Variants in GABRG3 observed in about 807,000 individuals in gnomAD.
GABRG3 encodes gamma-aminobutyric acid type A receptor subunit gamma3.
A neutral mutation model predicts 48.8 loss-of-function variants in GABRG3; 25 were observed. The ratio of observed to expected loss-of-function variants is 0.51; its 90% CI spans 0.37 to 0.72. GABRG3 has a LOEUF of 0.72. Ranked by LOEUF, GABRG3 falls within the 30% of genes least tolerant of loss-of-function variation. GABRG3 has a pLI of 0.00. For missense variants in GABRG3, 394 were observed against 577.9 expected (o/e 0.68, Z 3.26); for synonymous variants, 227 against 217.6 (o/e 1.04, Z -0.38).
At chr15:27,462,301 A>C (rs1235892063) in intron 5 of GABRG3, among the ~76,000 whole-genome samples, 1 of 152,156 alleles carries the variant, frequency 6.6e-6, no homozygotes, top group Non-Finnish European at 1.5e-5. Flanking sequence ...GGACCTTGCT[A>C]TATCCGTGTT....
intron 5 of GABRG3, among the ~76,000 whole-genome samples, chr15:27,344,698 T>G (rs1195274757): frequency 8.7e-6 from 1 of 114,746 alleles, no homozygotes; most frequent in Non-Finnish European, 1.8e-5. Flanking sequence ...ATTGGGAAAT[T>G]ACCAATTGAT....
intron 5 of GABRG3, among the ~76,000 whole-genome samples, chr15:27,358,937 G>T (rs1305706777): frequency 2.6e-5 from 4 of 152,368 alleles, no homozygotes; most frequent in South Asian, 2.1e-4. Context: ...TCTCCCGGGG[G>T]TCCTGGTAAG....
chr15:27,198,847 G>A (rs113668092), intron 3 of GABRG3, among the ~76,000 whole-genome samples: 283 of 152,242 alleles, frequency 1.9e-3, no homozygotes, highest in African/African-American at 6.7e-3. Flanking sequence ...CCTTTGCAGG[G>A]ACATGGATGA....
At chr15:27,442,565 C>T (rs1888822469) in intron 5 of GABRG3, among the ~76,000 whole-genome samples, 1 of 152,322 alleles carries the variant, frequency 6.6e-6, no homozygotes, top group Non-Finnish European at 1.5e-5. Flanking sequence ...CATCAAGCCA[C>T]CTGAACAAAA....
In GABRG3 at chr15:27,265,882, G is replaced by GTTTTTTTTTTTTTTTTTTTTTTTTTTTT. The variant is rs57522857; in HGVS notation, c.271-60912_271-60911insTTTTTTTTTTTTTTTTTTTTTTTTTTTT. On this transcript the variant is annotated intron_variant, in intron 3 of 9. Coordinates refer to ENST00000615808, the MANE Select transcript of GABRG3 (RefSeq NM_033223.5). ...GCAAGGTCAAGAAGATTTTCTCCTG[G>GTTTTTTTTTTTTTTTTTTTTTTTTTTTT]TTTTTTTTTTTTTTTGAGAGTGACC... Among the ~76,000 whole-genome samples the GTTTTTTTTTTTTTTTTTTTTTTTTTTTT allele has an allele frequency of 1.6e-3, 209 of 127,482 alleles. 16 individuals carry two copies. Among genetic ancestry groups the GTTTTTTTTTTTTTTTTTTTTTTTTTTTT allele is most frequent in the African/African-American group, 4.6e-3 (135 of 29,402 alleles). The allele number at this position is 127,482 out of a possible 152,430, so 83.6% of individuals were successfully genotyped here. A position where few individuals can be genotyped will look rare whatever the true frequency, so the allele number is the denominator to read the frequency against.
At chr15:27,118,540 C>T (rs2110209) in intron 3 of GABRG3, among the ~76,000 whole-genome samples, 3,784 of 152,274 alleles carry the variant, frequency 0.025, 80 homozygotes, top group Non-Finnish European at 0.034. Flanking sequence ...GCATCTGACT[C>T]GGTTCAATTT....
intron 3 of GABRG3, among the ~76,000 whole-genome samples, chr15:27,045,206 C>T (rs1896341903): frequency 6.6e-6 from 1 of 152,166 alleles, no homozygotes; most frequent in South Asian, 2.1e-4. Flanking sequence ...GGAGAATTCC[C>T]TGAGGCGCTT....
chr15:27,508,442 A>G (rs1181432087), intron 6 of GABRG3, among the ~76,000 whole-genome samples: 1 of 152,174 alleles, frequency 6.6e-6, no homozygotes, highest in Admixed American at 6.5e-5. Flanking sequence ...TATAATTGCT[A>G]TTATACATTT....
At chr15:26,988,257 CTG>C (rs879496580) in intron 2 of GABRG3, among the ~76,000 whole-genome samples, 1 of 152,110 alleles carries the variant, frequency 6.6e-6, no homozygotes, top group Non-Finnish European at 1.5e-5. Flanking sequence ...CTAGCAATAA[CTG>C]TAGCTGTATT....
chr15:27,417,001 T>C (rs189550052), intron 5 of GABRG3, among the ~76,000 whole-genome samples: 71 of 152,310 alleles, frequency 4.7e-4, no homozygotes, highest in Middle Eastern at 3.4e-3. Context: ...TTTAATAAAA[T>C]AAAGTAATCA....
At chr15:27,310,139 G>C (rs2140506251) in intron 3 of GABRG3, among the ~76,000 whole-genome samples, 1 of 152,150 alleles carries the variant, frequency 6.6e-6, no homozygotes, top group East Asian at 1.9e-4. Context: ...CAGAAAAGTA[G>C]AAGGATGGAG....
Position 27,537,838 on chromosome 15 carries a change from T to A in GABRG3, c.*4957T>A, listed in dbSNP as rs555452669. 2.7e-5 allele frequency: 4 copies of A among 150,296 alleles called. No homozygotes were observed. The South Asian group carries it at 6.3e-4, about 24-fold the overall frequency. 9.3% of individuals were successfully genotyped at this position (150,296 alleles called of 1,614,324 possible). A position where few individuals can be genotyped will look rare whatever the true frequency, so the allele number is the denominator to read the frequency against. ...ATTATTTATTTATTTATTTATTTAT[T>A]TATTTATTTATTTATTTTGAGATGA... is the stretch of plus-strand genomic sequence containing the variant. On this transcript the variant is annotated 3_prime_UTR_variant, in exon 10 of 10. Transcript: ENST00000615808.
At position 27,069,219 on chromosome 15, in the gene GABRG3, A is replaced by G. The variant is rs188940869; in HGVS notation, c.270+42398A>G. Among the ~76,000 whole-genome samples the G allele has an allele frequency of 2.8e-3, 426 of 152,268 alleles. 1 individual carries two copies. Among genetic ancestry groups the G allele is most frequent in the African/African-American group, 9.6e-3 (400 of 41,552 alleles). On this transcript the variant is annotated intron_variant, in intron 3 of 9. Coordinates refer to ENST00000615808, the MANE Select transcript of GABRG3 (RefSeq NM_033223.5). ...TCAGTGCTTCTTAACAATGAGTAAT[A>G]CTTCCAGGGTTTTATATTTGTGAAT...
chr15:27,097,206 A>G (rs974058590), intron 3 of GABRG3, among the ~76,000 whole-genome samples: 1 of 151,968 alleles, frequency 6.6e-6, no homozygotes, highest in African/African-American at 2.4e-5. Context: ...TCTGGTGGGC[A>G]GATACTTGGA....
intron 2 of GABRG3, among the ~76,000 whole-genome samples, chr15:26,981,724 C>T (rs1016466998): frequency 1.3e-5 from 2 of 152,148 alleles, no homozygotes; most frequent in Admixed American, 6.5e-5. Flanking sequence ...GCAGACGCAC[C>T]GTCGGCAGGA....
intron 5 of GABRG3, among the ~76,000 whole-genome samples, chr15:27,426,628 C>CAT (rs1888301303): frequency 6.6e-6 from 1 of 152,000 alleles, no homozygotes; most frequent in South Asian, 2.1e-4. Flanking sequence ...GCCTGGACAA[C>CAT]ATAATAAGAC....
At chr15:27,040,098 C>A (rs902473380) in intron 3 of GABRG3, among the ~76,000 whole-genome samples, 1 of 152,248 alleles carries the variant, frequency 6.6e-6, no homozygotes, top group Non-Finnish European at 1.5e-5. Context: ...CCTCGCAGCA[C>A]GGGATGGCAG....
At chr15:27,240,828 G>A (rs917654471) in intron 3 of GABRG3, among the ~76,000 whole-genome samples, 6 of 152,146 alleles carry the variant, frequency 3.9e-5, no homozygotes, top group African/African-American at 1.4e-4. Context: ...ACACTTAACT[G>A]AACGTGATCA....
At chr15:26,991,364 ATT>A (rs557323706) in intron 2 of GABRG3, among the ~76,000 whole-genome samples, 5 of 145,678 alleles carry the variant, frequency 3.4e-5, no homozygotes, top group African/African-American at 1.3e-4. Context: ...GATTCGTTCA[ATT>A]TTTTTTTTTC....
Sources: allele counts gnomAD v4.1 joint callset (sites outside exome capture counted in the v4.1 genomes callset), GRCh38; gene constraint gnomAD v4.1.1; transcripts MANE v1.5; gene names NCBI Gene and HGNC (gene_info 2026-07-23, HGNC 2026-07-21).